The following ATP8A2 variants were observed in gnomAD, a reference collection of about 807,000 sequenced individuals.
ATP8A2 encodes phospholipid-transporting ATPase IB.
In ATP8A2, 100 loss-of-function variants were observed where a neutral mutation model predicts 165.6. The ratio of observed to expected loss-of-function variants is 0.60; its 90% CI spans 0.51 to 0.71. The LOEUF (loss-of-function observed/expected upper bound fraction) is 0.71, where lower values mean the gene tolerates loss of function less well. ATP8A2 is among the 30% of genes least tolerant of loss of function. The probability of loss-of-function intolerance (pLI) is 0.00; values close to 1 mark genes in which losing one functional copy is unlikely to be tolerated. For synonymous variants in ATP8A2, 543 were observed against 548.8 expected (o/e 0.99, Z 0.15); for missense variants, 1,227 against 1,479.5 (o/e 0.83, Z 2.80).
chr13:25,511,390 G>C (rs2037219215), intron 2 of ATP8A2, among the ~76,000 whole-genome samples: 2 of 152,180 alleles, frequency 1.3e-5, no homozygotes, highest in Non-Finnish European at 2.9e-5. Context: ...TGGCTGCCCT[G>C]TAGATGTGTT....
chr13:25,668,630 C>G (rs2042203761), intron 24 of ATP8A2, among the ~76,000 whole-genome samples: 1 of 152,092 alleles, frequency 6.6e-6, no homozygotes, highest in Non-Finnish European at 1.5e-5. Flanking sequence ...CTCTTTATCT[C>G]TCTGTTTTTC....
Position 25,715,193 on chromosome 13 carries a change from G to T in ATP8A2, c.2384+15848G>T, listed in dbSNP as rs1417510356. 5.9e-4 allele frequency among the ~76,000 whole-genome samples: 90 copies of T among 152,142 alleles called. 2 individuals carry two copies. The highest frequency in any genetic ancestry group is 5.9e-3 in the Admixed American group (90 of 15,282). On this transcript the variant is annotated intron_variant, in intron 25 of 36. Transcript: ENST00000381655. ...TGTGTTGGGAGTAGTGCAAGATGAG[G>T]CTGGAGGAGAAAACTGGGGCCGAAT...
At chr13:25,860,311 A>T (rs1363489776) in intron 31 of ATP8A2, 55 bp downstream of exon 31, 1 of 1,107,950 alleles carries the variant, frequency 9.0e-7, no homozygotes, top group Non-Finnish European at 1.4e-6. Flanking sequence ...TGTGGCTTGC[A>T]CTTCTCTAAA....
Position 25,953,566 on chromosome 13 carries a change from C to CAAG in ATP8A2, c.3184-8009_3184-8008insAAG, listed in dbSNP as rs1402360810. Among the ~76,000 whole-genome samples, 3,511 of 145,144 alleles carry CAAG rather than the reference C, an allele frequency of 0.024. 76 individuals are homozygous for CAAG. Among genetic ancestry groups the CAAG allele is most frequent in the African/African-American group, 0.043 (1,682 of 38,722 alleles). ...AAAAAAGCAAGGGAAATAGGCAAGA[C>CAAG]GGCCAAATAGGAACAGCTCCAGTCT... is the stretch of plus-strand genomic sequence containing the variant. On this transcript the variant is annotated intron_variant, in intron 33 of 36. Coordinates refer to ENST00000381655, the MANE Select transcript of ATP8A2 (RefSeq NM_016529.6). The surrounding 1 kb of genome is among the most constrained non-coding windows in gnomAD (Gnocchi z 6.7).
intron 33 of ATP8A2, among the ~76,000 whole-genome samples, chr13:25,917,951 A>G (rs1954318139): frequency 1.3e-5 from 2 of 152,354 alleles, no homozygotes; most frequent in South Asian, 2.1e-4. Context: ...CAGAGAATAC[A>G]TTTTTGTTCT....
chr13:25,864,928 C>G (rs1052049038), intron 33 of ATP8A2, among the ~76,000 whole-genome samples: 12 of 152,220 alleles, frequency 7.9e-5, no homozygotes, highest in African/African-American at 2.9e-4. Flanking sequence ...AACTTTTACA[C>G]TGTTTCACCT....
chr13:25,856,553 T>C (rs980521795), intron 30 of ATP8A2, among the ~76,000 whole-genome samples: 5 of 152,250 alleles, frequency 3.3e-5, no homozygotes, highest in Admixed American at 2.0e-4. Context: ...AAAATGATTT[T>C]ATAGCTTTGT....
chr13:25,640,438 C>G (rs2041487928), intron 24 of ATP8A2, among the ~76,000 whole-genome samples: 3 of 152,186 alleles, frequency 2.0e-5, no homozygotes, highest in Admixed American at 6.5e-5. Flanking sequence ...ACCAATCCCA[C>G]AGAAATACAA....
intron 2 of ATP8A2, among the ~76,000 whole-genome samples, chr13:25,513,999 G>A (rs113405832): frequency 7.4e-5 from 10 of 134,554 alleles, no homozygotes; most frequent in South Asian, 2.8e-4. Context: ...AGGGGGAGGG[G>A]GAGGGAGAGG....
At chr13:25,718,908 G>A (rs560627365) in intron 25 of ATP8A2, among the ~76,000 whole-genome samples, 147 of 152,316 alleles carry the variant, frequency 9.7e-4, no homozygotes, top group African/African-American at 3.3e-3. Flanking sequence ...AAAATGGCAG[G>A]AGTGGAAGGG....
At chr13:25,977,323 C>G (rs762204505) in intron 35 of ATP8A2, among the ~76,000 whole-genome samples, 8 of 152,096 alleles carry the variant, frequency 5.3e-5, no homozygotes, top group Non-Finnish European at 1.5e-5. Flanking sequence ...GCTGGAGAGC[C>G]AACGACGCTC....
intron 33 of ATP8A2, among the ~76,000 whole-genome samples, chr13:25,940,837 G>A (rs994806925): frequency 6.6e-6 from 1 of 152,190 alleles, no homozygotes; most frequent in African/African-American, 2.4e-5. Flanking sequence ...CCACGATCCT[G>A]GCCAAGCTCC....
chr13:25,768,076 T>TGGGGGGGGGGGGGGGGGG (rs397942177), intron 25 of ATP8A2, among the ~76,000 whole-genome samples: 1 of 49,344 alleles, frequency 2.0e-5, no homozygotes, highest in African/African-American at 5.6e-5. Flanking sequence ...TGTGGTGGCG[T>TGGGGGGGGGGGGGGGGGG]GGGGGGGGGG....
At chr13:25,813,995 C>G (rs3783120) in intron 27 of ATP8A2, among the ~76,000 whole-genome samples, 26,532 of 152,040 alleles carry the variant, frequency 0.17, 2,495 homozygotes, top group Middle Eastern at 0.21. Context: ...TTTCCTGGGT[C>G]TCCAGCTTAC....
intron 23 of ATP8A2, among the ~76,000 whole-genome samples, chr13:25,586,579 G>A (rs1476723934): frequency 6.6e-6 from 1 of 152,162 alleles, no homozygotes; most frequent in Non-Finnish European, 1.5e-5. Context: ...ATGCATTCTT[G>A]TTGTCTGCCA....
chr13:25,819,735 G>A (rs1340858315), intron 27 of ATP8A2, among the ~76,000 whole-genome samples: 2 of 150,742 alleles, frequency 1.3e-5, no homozygotes, highest in Admixed American at 6.6e-5. Context: ...TTTATATACC[G>A]CTGCTTTCAT....
chr13:25,403,596 T>C (rs1157801962), intron 1 of ATP8A2, among the ~76,000 whole-genome samples: 1 of 152,230 alleles, frequency 6.6e-6, no homozygotes, highest in African/African-American at 2.4e-5. Flanking sequence ...ATCCAGACTT[T>C]TCATTCTAGG....
At chr13:25,539,632 C>G (rs2137979012) in intron 7 of ATP8A2, among the ~76,000 whole-genome samples, 1 of 152,190 alleles carries the variant, frequency 6.6e-6, no homozygotes, top group South Asian at 2.1e-4. Flanking sequence ...CCATATAGCC[C>G]ATAAAGGTAG....
chr13:25,828,456 A>AC (rs1251891501), intron 28 of ATP8A2, among the ~76,000 whole-genome samples: 2 of 152,124 alleles, frequency 1.3e-5, no homozygotes, highest in Non-Finnish European at 2.9e-5. Flanking sequence ...GACCCTTGTT[A>AC]CCCCCTTACT....
Sources: allele counts gnomAD v4.1 joint callset (sites outside exome capture counted in the v4.1 genomes callset), GRCh38; gene constraint gnomAD v4.1.1; non-coding constraint Gnocchi (gnomAD v3.1); transcripts MANE v1.5; gene names NCBI Gene and HGNC (gene_info 2026-07-23, HGNC 2026-07-21).